Variants in LHFPL3 observed in about 807,000 individuals in gnomAD.
LHFPL3 encodes the protein LHFPL tetraspan subfamily member 3 protein.
A neutral mutation model predicts 19.3 loss-of-function variants in LHFPL3; 5 were observed. That is an observed-to-expected ratio of 0.26 (90% confidence interval 0.14 to 0.54). The LOEUF (loss-of-function observed/expected upper bound fraction) is 0.54. Ranked by LOEUF, LHFPL3 falls within the 20% of genes least tolerant of loss-of-function variation. The probability of loss-of-function intolerance (pLI) is 0.94; values close to 1 mark genes in which losing one functional copy is unlikely to be tolerated. For synonymous variants in LHFPL3, 133 were observed against 126.2 expected (o/e 1.05, Z -0.36); for missense variants, 249 against 307.4 (o/e 0.81, Z 1.42).
intron 2 of LHFPL3, among the ~76,000 whole-genome samples, chr7:104,858,970 A>G (rs914493280): frequency 3.9e-5 from 6 of 152,138 alleles, no homozygotes; most frequent in Non-Finnish European, 8.8e-5. Flanking sequence ...TAAAAAAAAA[A>G]AAAATCTGTT....
chr7:104,419,091 G>T (rs1162832893), intron 1 of LHFPL3, among the ~76,000 whole-genome samples: 1 of 152,170 alleles, frequency 6.6e-6, no homozygotes, highest in Non-Finnish European at 1.5e-5. Context: ...TGTCTAAATT[G>T]TCTAAATAAA....
At chr7:104,872,046 T>C (rs1209374054) in intron 2 of LHFPL3, among the ~76,000 whole-genome samples, 1 of 151,804 alleles carries the variant, frequency 6.6e-6, no homozygotes, top group East Asian at 1.9e-4. Flanking sequence ...TGTTAAAAAC[T>C]AAGACACACT....
intron 2 of LHFPL3, among the ~76,000 whole-genome samples, chr7:104,882,465 C>A (rs538119564): frequency 6.6e-6 from 1 of 152,304 alleles, no homozygotes; most frequent in African/African-American, 2.4e-5. Context: ...CCAGGCTAGT[C>A]TCAAACTCCT....
At chr7:104,631,549 G>T (rs1256112931) in intron 1 of LHFPL3, among the ~76,000 whole-genome samples, 1 of 152,184 alleles carries the variant, frequency 6.6e-6, no homozygotes, top group Non-Finnish European at 1.5e-5. Flanking sequence ...GTGATTGTTA[G>T]TTTGCTATAA....
chr7:104,398,596 A>G (rs186029950), intron 1 of LHFPL3, among the ~76,000 whole-genome samples: 140 of 152,262 alleles, frequency 9.2e-4, no homozygotes, highest in Non-Finnish European at 1.4e-3. Flanking sequence ...TCTCACATCC[A>G]TCCTACATTT....
chr7:104,610,135 A>C (rs905098873), intron 1 of LHFPL3, among the ~76,000 whole-genome samples: 6 of 152,210 alleles, frequency 3.9e-5, no homozygotes, highest in African/African-American at 1.2e-4. Context: ...CTAGCAATCC[A>C]ATACAATAAG....
intron 1 of LHFPL3, among the ~76,000 whole-genome samples, chr7:104,706,941 C>T (rs1348595139): frequency 7.4e-6 from 1 of 134,370 alleles, no homozygotes; most frequent in Non-Finnish European, 1.7e-5. Context: ...GACTACAAGA[C>T]CTGATGCCCA....
chr7:104,856,617 C>T (rs1791511069), intron 2 of LHFPL3, among the ~76,000 whole-genome samples: 1 of 152,152 alleles, frequency 6.6e-6, no homozygotes, highest in South Asian at 2.1e-4. Context: ...AACCTCTAGA[C>T]ACTTTCACTA....
At chr7:104,381,886 G>A (rs188616416) in intron 1 of LHFPL3, among the ~76,000 whole-genome samples, 62 of 152,314 alleles carry the variant, frequency 4.1e-4, no homozygotes, top group Non-Finnish European at 7.1e-4. Flanking sequence ...GTATTGGAAC[G>A]ATAGGAGACA....
At chr7:104,712,388 A>G (rs1458776958) in intron 1 of LHFPL3, among the ~76,000 whole-genome samples, 2 of 152,240 alleles carry the variant, frequency 1.3e-5, no homozygotes, top group African/African-American at 4.8e-5. Flanking sequence ...GTATCCTCAC[A>G]TGGCAGAAAA....
At chr7:104,625,868 A>G (rs548745443) in intron 1 of LHFPL3, among the ~76,000 whole-genome samples, 3 of 152,334 alleles carry the variant, frequency 2.0e-5, no homozygotes, top group East Asian at 3.9e-4. Flanking sequence ...CAAAGATGGT[A>G]GTGTTTAAAT....
intron 1 of LHFPL3, among the ~76,000 whole-genome samples, chr7:104,708,138 G>A (rs61695913): frequency 0.036 from 5,440 of 152,202 alleles, 316 homozygotes; most frequent in African/African-American, 0.12. Flanking sequence ...CATATAGAAA[G>A]GCCCAAGAGA....
intron 1 of LHFPL3, among the ~76,000 whole-genome samples, chr7:104,492,019 A>G (rs1221200419): frequency 2.0e-5 from 3 of 152,182 alleles, no homozygotes; most frequent in African/African-American, 4.8e-5. Context: ...GTGCATATAC[A>G]AGTGTTGTAA....
rs891119681 is a variant in LHFPL3 at position 104,807,021 on chromosome 7, G to A, written c.682+70110G>A. Among the ~76,000 whole-genome samples, 462 of 81,266 alleles carry A rather than the reference G, an allele frequency of 5.7e-3. 5 individuals carry two copies. Among genetic ancestry groups the A allele is most frequent in the African/African-American group, 0.02 (446 of 22,450 alleles). 53.3% of individuals were successfully genotyped at this position (81,266 alleles called of 152,430 possible). On this transcript the variant is annotated intron_variant, in intron 2 of 2. Transcript: ENST00000424859. ...CCCACCAAAATATATATGTGTGTGT[G>A]TGTGTGTGTGTGTGTGTGTGTGTGT... is the stretch of plus-strand genomic sequence containing the variant.
At chr7:104,462,242 T>C (rs2115575862) in intron 1 of LHFPL3, among the ~76,000 whole-genome samples, 1 of 152,328 alleles carries the variant, frequency 6.6e-6, no homozygotes, top group South Asian at 2.1e-4. Flanking sequence ...TTTCTTTTTC[T>C]TGCCTGATTG....
intron 2 of LHFPL3, among the ~76,000 whole-genome samples, chr7:104,891,344 G>C (rs1455544373): frequency 2.0e-5 from 3 of 152,026 alleles, no homozygotes; most frequent in Non-Finnish European, 4.4e-5. Context: ...ATCATAACAT[G>C]GCGGAAGGGC....
intron 2 of LHFPL3, among the ~76,000 whole-genome samples, chr7:104,795,527 G>C (rs935961371): frequency 1.3e-5 from 2 of 152,184 alleles, no homozygotes; most frequent in Non-Finnish European, 2.9e-5. Flanking sequence ...CCAGAGAGAA[G>C]GAAGAGGGGC....
At chr7:104,877,335 G>T (rs1791966962) in intron 2 of LHFPL3, among the ~76,000 whole-genome samples, 1 of 152,054 alleles carries the variant, frequency 6.6e-6, no homozygotes, top group African/African-American at 2.4e-5. Flanking sequence ...CCACCAAATG[G>T]GAGACAATAT....
intron 1 of LHFPL3, among the ~76,000 whole-genome samples, chr7:104,473,994 C>T (rs1792958495): frequency 6.6e-6 from 1 of 152,188 alleles, no homozygotes; most frequent in African/African-American, 2.4e-5. Context: ...TTTTCATGTC[C>T]TCAATGTGTA....
Sources: gnomAD v4.1 joint callset for allele counts (sites outside exome capture counted in the v4.1 genomes callset) on GRCh38, gnomAD v4.1.1 for gene constraint, MANE v1.5 for transcripts, NCBI Gene and HGNC (gene_info 2026-07-23, HGNC 2026-07-21) for gene names.